PLCE1: variants seen among roughly 807,000 people sequenced by gnomAD.
The protein encoded by PLCE1 is phospholipase C epsilon 1.
In PLCE1, 119 loss-of-function variants were observed where a neutral mutation model predicts 242.8. The observed-to-expected ratio is 0.49, with a 90% CI of 0.42 to 0.57. The LOEUF is 0.57. PLCE1 is among the 20% of genes least tolerant of loss of function. PLCE1 has a pLI of 0.00. For synonymous variants in PLCE1, 945 were observed against 1,017.4 expected, an observed-to-expected ratio of 0.93 and a Z score of 1.35; for missense variants, 2,441 against 2,788.8, an observed-to-expected ratio of 0.88 and a Z score of 2.81.
At chr10:94,311,373 CTT>C (rs1390013094) in intron 27 of PLCE1, among the ~76,000 whole-genome samples, 1 of 152,202 alleles carries the variant, frequency 6.6e-6, no homozygotes, top group African/African-American at 2.4e-5. Flanking sequence ...AAAGGACACT[CTT>C]ATCACTCCAG....
intron 13 of PLCE1, among the ~76,000 whole-genome samples, chr10:94,262,283 G>GA (rs1236852071): frequency 6.6e-6 from 1 of 152,116 alleles, no homozygotes; most frequent in Non-Finnish European, 1.5e-5. Context: ...TTACAGTCAT[G>GA]AGCCACCATG....
At chr10:94,310,474 A>AG (rs887700589) in intron 27 of PLCE1, among the ~76,000 whole-genome samples, 4 of 152,178 alleles carry the variant, frequency 2.6e-5, no homozygotes, top group African/African-American at 9.6e-5. Flanking sequence ...CCCAGGCATC[A>AG]GTTTTTTTAA....
intron 3 of PLCE1, among the ~76,000 whole-genome samples, chr10:94,159,459 T>A (rs939681936): frequency 2.6e-5 from 4 of 152,186 alleles, no homozygotes; most frequent in African/African-American, 9.7e-5. Flanking sequence ...TTCTTCTCTC[T>A]CTCTCTCTTA....
chr10:94,115,079 C>T (rs2046080226), intron 2 of PLCE1, among the ~76,000 whole-genome samples: 1 of 151,580 alleles, frequency 6.6e-6, no homozygotes. Flanking sequence ...CATCCATGTC[C>T]CTACAAAGGA....
At chr10:94,110,179 C>G (rs1257176899) in intron 2 of PLCE1, among the ~76,000 whole-genome samples, 5 of 143,470 alleles carry the variant, frequency 3.5e-5, no homozygotes, top group Non-Finnish European at 7.5e-5. Flanking sequence ...TCTCCTGCCT[C>G]AGCCTCCCGA....
chr10:94,170,838 T>C (rs968343041), intron 3 of PLCE1, among the ~76,000 whole-genome samples: 3 of 152,190 alleles, frequency 2.0e-5, no homozygotes, highest in Non-Finnish European at 2.9e-5. Context: ...GTCATTCTGA[T>C]GGTAGTTAGC....
chr10:94,298,955 C>T lies in PLCE1; in HGVS notation c.5458+286C>T, dbSNP rs1003042022. ...CCAAGCTGCTCTTGACAAAGCCATG[C>T]CCGGTTTATGTTTAAAGCTCTTTTT... On this transcript the variant is annotated intron_variant, in intron 24 of 32. Transcript: ENST00000371380. This position sits in a 1 kb window ranked among gnomAD's most constrained non-coding sequence, Gnocchi z 5.2. Among the ~76,000 whole-genome samples, 2 of 152,118 alleles carry T rather than the reference C, an allele frequency of 1.3e-5. No individual in the cohort carries two copies. The highest frequency in any genetic ancestry group is 6.6e-5 in the Admixed American group (1 of 15,266).
chr10:94,310,274 T>C (rs1188152964), intron 27 of PLCE1, among the ~76,000 whole-genome samples: 1 of 152,206 alleles, frequency 6.6e-6, no homozygotes. Context: ...TCTGCCCTTC[T>C]CCTGCCCTCA....
chr10:94,010,551 A>G (rs1407061710), intron 1 of PLCE1, among the ~76,000 whole-genome samples: 3 of 152,174 alleles, frequency 2.0e-5, no homozygotes, highest in African/African-American at 7.2e-5. Context: ...CCAAACTTTT[A>G]TACTCTGTTT....
chr10:94,313,752 G>A (rs200879301), intron 28 of PLCE1, among the ~76,000 whole-genome samples: 1 of 132,926 alleles, frequency 7.5e-6, no homozygotes, highest in African/African-American at 2.5e-5. Context: ...TTCACGCAGA[G>A]ATTATTAATC....
intron 32 of PLCE1, among the ~76,000 whole-genome samples, chr10:94,326,321 T>G (rs10882424): frequency 0.31 from 46,740 of 152,088 alleles, 7,503 homozygotes; most frequent in Middle Eastern, 0.48. Context: ...AGCCAAATTT[T>G]ACTTAAAACA....
intron 2 of PLCE1, among the ~76,000 whole-genome samples, chr10:94,094,030 C>T (rs1351426738): frequency 6.9e-6 from 1 of 144,434 alleles, no homozygotes; most frequent in Non-Finnish European, 1.5e-5. Context: ...CAAGCTCCGC[C>T]TCCCGGGTTC....
At chr10:94,035,228 C>A (rs2061640476) in intron 2 of PLCE1, among the ~76,000 whole-genome samples, 1 of 152,214 alleles carries the variant, frequency 6.6e-6, no homozygotes, top group African/African-American at 2.4e-5. Context: ...TTAAATATAG[C>A]AAAGTGAATG....
chr10:94,236,436 G>T (rs2050327208), intron 7 of PLCE1, among the ~76,000 whole-genome samples: 1 of 151,982 alleles, frequency 6.6e-6, no homozygotes, highest in Non-Finnish European at 1.5e-5. Flanking sequence ...CAGAAGGAGA[G>T]CTGTGATCTT....
At chr10:94,183,818 A>G (rs370949190) in intron 4 of PLCE1, among the ~76,000 whole-genome samples, 32 of 152,224 alleles carry the variant, frequency 2.1e-4, no homozygotes, top group African/African-American at 7.7e-4. Context: ...AGAGCAAGAG[A>G]GAGAAAAGGG....
At chr10:94,046,644 G>A (rs2134713010) in intron 2 of PLCE1, among the ~76,000 whole-genome samples, 1 of 152,326 alleles carries the variant, frequency 6.6e-6, no homozygotes, top group Non-Finnish European at 1.5e-5. Flanking sequence ...GACCCATTGG[G>A]TGTGGAGCTG....
chr10:93,994,000 G>C lies in PLCE1; in HGVS notation c.-623G>C, dbSNP rs989751273. 6.6e-6 allele frequency among the ~76,000 whole-genome samples: 1 copy of C among 151,692 alleles called. No individual in the cohort carries two copies. The highest frequency in any genetic ancestry group is 2.4e-5 in the African/African-American group (1 of 41,394). On this transcript the variant is annotated 5_prime_UTR_variant, in exon 1 of 33. Coordinates refer to ENST00000371380, the MANE Select transcript of PLCE1 (RefSeq NM_016341.4). ...GGTCCACACGGTAACGCTGGGCAACGTGGGCAACGCGGCGGGCGGCGGGCT... is the reference window on the plus strand; with the variant it reads ...GGTCCACACGGTAACGCTGGGCAACCTGGGCAACGCGGCGGGCGGCGGGCT...
chr10:94,294,695 G>A (rs553476996), intron 23 of PLCE1, among the ~76,000 whole-genome samples: 50 of 152,278 alleles, frequency 3.3e-4, no homozygotes, highest in Non-Finnish European at 6.2e-4. Flanking sequence ...ATCTGAGCCT[G>A]TAGCAAGTTG....
chr10:94,226,672 A>T (rs1263171061), intron 4 of PLCE1, among the ~76,000 whole-genome samples: 3 of 152,084 alleles, frequency 2.0e-5, no homozygotes, highest in Non-Finnish European at 2.9e-5. Flanking sequence ...TTTAATGTCC[A>T]TCAGTCAAAT....
Sources: allele counts gnomAD v4.1 joint callset (sites outside exome capture counted in the v4.1 genomes callset), GRCh38; gene constraint gnomAD v4.1.1; non-coding constraint Gnocchi (gnomAD v3.1); transcripts MANE v1.5; gene names NCBI Gene and HGNC (gene_info 2026-07-23, HGNC 2026-07-21).